The following FHIT variants were observed in gnomAD, a reference collection of about 807,000 sequenced individuals.
The protein encoded by FHIT is fragile histidine triad diadenosine triphosphatase.
In FHIT, 19 loss-of-function variants were observed where a neutral mutation model predicts 17.9. The observed-to-expected ratio is 1.06, with a 90% CI of 0.74 to 1.56. The LOEUF (loss-of-function observed/expected upper bound fraction) is 1.56, where lower values mean the gene tolerates loss of function less well. Ranked by LOEUF, FHIT falls within the 40% of genes most tolerant of loss-of-function variation. The pLI, the probability that FHIT is intolerant of heterozygous loss-of-function variation, is 0.00. For synonymous variants in FHIT, 81 were observed against 69.7 expected (o/e 1.16, Z -0.81); for missense variants, 248 against 189.2 (o/e 1.31, Z -1.82).
chr3:60,012,417 C>T (rs1575882142), intron 6 of FHIT, among the ~76,000 whole-genome samples: 1 of 151,746 alleles, frequency 6.6e-6, no homozygotes, highest in African/African-American at 2.4e-5. Context: ...TACAGGCATG[C>T]ACCATCATGC....
At chr3:60,929,050 G>A (rs559613496) in intron 3 of FHIT, among the ~76,000 whole-genome samples, 6 of 152,154 alleles carry the variant, frequency 3.9e-5, no homozygotes, top group Non-Finnish European at 8.8e-5. Flanking sequence ...GGGATGCAAG[G>A]CTGGTTCAAC....
intron 8 of FHIT, among the ~76,000 whole-genome samples, chr3:59,767,128 G>A (rs1701837743): frequency 6.6e-6 from 1 of 152,134 alleles, no homozygotes; most frequent in Non-Finnish European, 1.5e-5. Flanking sequence ...CTTACAACAG[G>A]AGGGGGTCAG....
chr3:60,911,550 G>A (rs1706745364), intron 3 of FHIT, among the ~76,000 whole-genome samples: 1 of 152,160 alleles, frequency 6.6e-6, no homozygotes, highest in South Asian at 2.1e-4. Flanking sequence ...TTCATGGTAT[G>A]GGTTCCCTGC....
At chr3:60,048,430 C>A (rs1200840289) in intron 5 of FHIT, among the ~76,000 whole-genome samples, 1 of 152,190 alleles carries the variant, frequency 6.6e-6, no homozygotes, top group African/African-American at 2.4e-5. Flanking sequence ...CCTGCCTCGG[C>A]CTCCCAGAGT....
chr3:60,174,185 C>T (rs1701563522), intron 5 of FHIT, among the ~76,000 whole-genome samples: 1 of 151,614 alleles, frequency 6.6e-6, no homozygotes, highest in Non-Finnish European at 1.5e-5. Context: ...GCTGGGATTA[C>T]AGGCGTGAGC....
intron 1 of FHIT, among the ~76,000 whole-genome samples, chr3:61,230,388 G>A (rs1313311981): frequency 1.3e-5 from 2 of 152,118 alleles, no homozygotes; most frequent in Non-Finnish European, 2.9e-5. Context: ...TTTGCCATAT[G>A]ACATGCCTGC....
intron 5 of FHIT, among the ~76,000 whole-genome samples, chr3:60,182,437 T>G (rs1701978239): frequency 6.6e-6 from 1 of 152,186 alleles, no homozygotes; most frequent in Non-Finnish European, 1.5e-5. Context: ...AGGTTGCATC[T>G]AGTCACTAGG....
chr3:60,569,755 A>ATATTTTTTTTTT, intron 4 of FHIT, among the ~76,000 whole-genome samples: 6 of 77,344 alleles, frequency 7.8e-5, no homozygotes, highest in African/African-American at 2.4e-4. Context: ...ATATATATAT[A>ATATTTTTTTTTT]TTTTTTTTTT....
At chr3:59,801,535 TA>T (rs570529910) in intron 8 of FHIT, among the ~76,000 whole-genome samples, 39 of 152,166 alleles carry the variant, frequency 2.6e-4, no homozygotes, top group African/African-American at 8.9e-4. Context: ...ATATAGACTT[TA>T]AAAAAGAAAA....
At chr3:60,316,302 T>C (rs901805584) in intron 5 of FHIT, among the ~76,000 whole-genome samples, 2 of 152,208 alleles carry the variant, frequency 1.3e-5, no homozygotes, top group Admixed American at 1.3e-4. Flanking sequence ...ATGATTTTTA[T>C]AGATCTGCCT....
intron 8 of FHIT, among the ~76,000 whole-genome samples, chr3:59,801,777 A>C (rs1465637169): frequency 6.6e-6 from 1 of 152,096 alleles, no homozygotes; most frequent in Admixed American, 6.5e-5. Context: ...AAGGACCAGC[A>C]CTTGAGGTCA....
intron 5 of FHIT, among the ~76,000 whole-genome samples, chr3:60,249,902 T>C (rs1024954520): frequency 6.6e-6 from 1 of 152,052 alleles, no homozygotes; most frequent in Non-Finnish European, 1.5e-5. Context: ...ACACCTTACA[T>C]GGCAGCAGGA....
At chr3:60,125,991 G>A (rs1295958290) in intron 5 of FHIT, among the ~76,000 whole-genome samples, 4 of 152,118 alleles carry the variant, frequency 2.6e-5, no homozygotes, top group African/African-American at 9.7e-5. Flanking sequence ...TGCTGCAGAA[G>A]GCTGATCTAT....
At chr3:60,977,976 T>C (rs1575785784) in intron 3 of FHIT, among the ~76,000 whole-genome samples, 1 of 152,336 alleles carries the variant, frequency 6.6e-6, no homozygotes, top group Non-Finnish European at 1.5e-5. Flanking sequence ...GAAATTCCTA[T>C]TCCTTAATTT....
chr3:59,897,042 C>T (rs1336388493), intron 8 of FHIT, among the ~76,000 whole-genome samples: 1 of 152,092 alleles, frequency 6.6e-6, no homozygotes, highest in Non-Finnish European at 1.5e-5. Flanking sequence ...TGGTCTGCCT[C>T]CCACCCACCT....
intron 2 of FHIT, among the ~76,000 whole-genome samples, chr3:61,145,923 C>T (rs2037214359): frequency 1.3e-5 from 2 of 151,936 alleles, no homozygotes; most frequent in Non-Finnish European, 2.9e-5. Context: ...TTTGCCAGTG[C>T]ACTTTTAACT....
At chr3:60,601,006 T>A (rs1215194262) in intron 4 of FHIT, among the ~76,000 whole-genome samples, 3 of 152,156 alleles carry the variant, frequency 2.0e-5, no homozygotes, top group African/African-American at 7.2e-5. Flanking sequence ...AAGGACAACC[T>A]GCACACAGCA....
At chr3:59,963,107 TA>T (rs796902511) in intron 7 of FHIT, among the ~76,000 whole-genome samples, 11 of 150,828 alleles carry the variant, frequency 7.3e-5, no homozygotes, top group African/African-American at 7.3e-5. Context: ...TACACACACA[TA>T]AAAAAAAATT....
intron 8 of FHIT, among the ~76,000 whole-genome samples, chr3:59,839,257 G>T (rs1289321690): frequency 6.6e-6 from 1 of 151,074 alleles, no homozygotes; most frequent in Non-Finnish European, 1.5e-5. Context: ...TGCAGAGGTT[G>T]CAGTGAGCTG....
Sources: gnomAD v4.1 joint callset for allele counts (sites outside exome capture counted in the v4.1 genomes callset) on GRCh38, gnomAD v4.1.1 for gene constraint, MANE v1.5 for transcripts, NCBI Gene and HGNC (gene_info 2026-07-23, HGNC 2026-07-21) for gene names.